The following OPHN1 variants were observed in gnomAD, a reference collection of about 807,000 sequenced individuals.
OPHN1 encodes oligophrenin-1.
In OPHN1, 11 loss-of-function variants were observed where a neutral mutation model predicts 60.7. The ratio of observed to expected loss-of-function variants is 0.18; its 90% CI spans 0.11 to 0.30. The LOEUF (loss-of-function observed/expected upper bound fraction) is 0.30, where lower values mean the gene tolerates loss of function less well. OPHN1 is among the 10% of genes least tolerant of loss of function. The pLI is 1.00. For synonymous variants in OPHN1, 226 were observed against 222.6 expected, an observed-to-expected ratio of 1.02 and a Z score of -0.14; for missense variants, 449 against 611.0, an observed-to-expected ratio of 0.73 and a Z score of 2.80.
rs1045136128 is a variant in OPHN1, at chrX:68,071,504, G to A, written c.1834+1648C>T. On this transcript the variant is annotated intron_variant, in intron 20 of 24. Transcript: ENST00000355520. ...TTCAAGAACAGAACATCCTTGCCCA[G>A]CAGAGATTTGAATTCTACAGCAAAT... is the stretch of plus-strand genomic sequence containing the variant. 4.4e-5 allele frequency: 31 copies of A among 712,545 alleles called. No homozygotes were observed. In the African/African-American group the frequency reaches 6.5e-4, roughly 15 times the overall value. The allele number at this position is 712,545 out of a possible 1,213,427, so 58.7% of individuals were successfully genotyped here. A position where few individuals can be genotyped will look rare whatever the true frequency, so the allele number is the denominator to read the frequency against.
At chrX:68,343,290 G>A (rs1392817422) in intron 2 of OPHN1, among the ~76,000 whole-genome samples, 1 of 105,235 alleles carries the variant, frequency 9.5e-6, no homozygotes, top group Non-Finnish European at 2.0e-5. Flanking sequence ...AAAAAAGCGG[G>A]GGGGGAGGGG....
intron 2 of OPHN1, among the ~76,000 whole-genome samples, chrX:68,395,429 C>G (rs2078678184): frequency 9.1e-6 from 1 of 109,793 alleles, no homozygotes; most frequent in Non-Finnish European, 1.9e-5. Context: ...ACACCATGCC[C>G]AGCTAATTTT....
chrX:68,381,693 C>A (rs2078597437), intron 2 of OPHN1, among the ~76,000 whole-genome samples: 1 of 111,590 alleles, frequency 9.0e-6, no homozygotes, highest in Admixed American at 9.6e-5. Flanking sequence ...CTTAACAGTA[C>A]CAACCATCTG....
At chrX:68,056,455 T>C (rs1224330835) in intron 21 of OPHN1, among the ~76,000 whole-genome samples, 1 of 111,829 alleles carries the variant, frequency 8.9e-6, no homozygotes, top group African/African-American at 3.3e-5. Context: ...TACAGTGTGA[T>C]TGGTGTTCTA....
chrX:68,423,419 C>T (rs2078840048), intron 2 of OPHN1, among the ~76,000 whole-genome samples: 1 of 110,384 alleles, frequency 9.1e-6, no homozygotes, highest in Non-Finnish European at 1.9e-5. Context: ...GCGCCTGTCA[C>T]CTGTTTCTCC....
chrX:68,431,167 C>A (rs2078883673), intron 2 of OPHN1, among the ~76,000 whole-genome samples: 1 of 112,118 alleles, frequency 8.9e-6, no homozygotes, highest in African/African-American at 3.2e-5. Context: ...GTAGCACAAC[C>A]TGCATATCCT....
chrX:68,369,156 C>T (rs377518924), intron 2 of OPHN1, among the ~76,000 whole-genome samples: 9 of 107,684 alleles, frequency 8.4e-5, no homozygotes, highest in African/African-American at 3.1e-4. Flanking sequence ...TGCAGTGAGC[C>T]GAGATCTCAC....
At chrX:68,299,921 TA>T (rs1370120922) in intron 2 of OPHN1, among the ~76,000 whole-genome samples, 1 of 110,231 alleles carries the variant, frequency 9.1e-6, no homozygotes, top group Non-Finnish European at 1.9e-5. Flanking sequence ...AGAGTGGTTC[TA>T]AGGCCAGCAG....
At position 68,045,291 on chromosome X, in the gene OPHN1, T is replaced by G. The variant is rs1463056036; in HGVS notation, c.*1881A>C. The G allele has an allele frequency of 1.8e-5, 2 of 112,066 alleles. No homozygotes were observed. The highest frequency in any genetic ancestry group is 1.9e-4 in the Admixed American group (2 of 10,604). 9.2% of individuals were successfully genotyped at this position (112,066 alleles called of 1,213,427 possible). ...GAATGGCATCAAGTTTCCACTCAAT[T>G]ACTTTCAAAAAGGCTCTCAGTGTAC... On this transcript the variant is annotated 3_prime_UTR_variant, in exon 25 of 25. Transcript: ENST00000355520.
intron 16 of OPHN1, among the ~76,000 whole-genome samples, 191 bp downstream of exon 16, chrX:68,119,057 G>C (rs956522563): frequency 9.0e-6 from 1 of 111,501 alleles, no homozygotes; most frequent in Non-Finnish European, 1.9e-5. Flanking sequence ...TTATTTTTAT[G>C]CTTCTCTTGC....
At position 68,063,883 on chromosome X, in the gene OPHN1, G is replaced by C; in HGVS notation, c.2129C>G (p.Ala710Gly). The part of the protein sequence containing the change: ...KTPSFHIKRP[A>G]PRPLAHHKEG... Reference sequence around the variant, plus strand: ...CTTGTGGTGGGCCAGGGGCCGGGGAGCTGGTCTCTTTATGTGGAAAGAGGG... The same window carrying C: ...CTTGTGGTGGGCCAGGGGCCGGGGACCTGGTCTCTTTATGTGGAAAGAGGG... The change falls in exon 21 of 25, where the codon GCT becomes GGT. Residue 710 changes from alanine to glycine, a missense_variant. Physicochemically the swap from Ala to Gly is moderately conservative, Grantham distance 60 (BLOSUM62 0). Around this residue, in one of 4 missense-constraint regions of OPHN1, gnomAD observed 184 missense variants for 160.5 expected, o/e 1.15. Coordinates refer to ENST00000355520, the MANE Select transcript of OPHN1 (RefSeq NM_002547.3). 3 of 1,177,578 alleles carry C rather than the reference G, an allele frequency of 2.5e-6. No individual in the cohort carries two copies. Among genetic ancestry groups the C allele is most frequent in the Non-Finnish European group, 3.4e-6 (3 of 876,878 alleles).
chrX:68,148,342 A>G (rs1481886864), intron 15 of OPHN1, among the ~76,000 whole-genome samples: 1 of 111,423 alleles, frequency 9.0e-6, no homozygotes, highest in Non-Finnish European at 1.9e-5. Context: ...AACACTGTAC[A>G]GAATGCTCTT....
intron 15 of OPHN1, among the ~76,000 whole-genome samples, chrX:68,170,569 T>C (rs914138656): frequency 3.6e-5 from 4 of 110,534 alleles, no homozygotes; most frequent in Non-Finnish European, 7.6e-5. Context: ...TAAGGAAATG[T>C]GGCACATATA....
At chrX:68,215,737 G>GA (rs754350637) in intron 6 of OPHN1, among the ~76,000 whole-genome samples, 1 of 111,242 alleles carries the variant, frequency 9.0e-6, no homozygotes, top group East Asian at 2.8e-4. Context: ...GGTGTTGAAA[G>GA]AAAAAAAGTT....
At chrX:68,250,865 T>G (rs5965530) in intron 5 of OPHN1, among the ~76,000 whole-genome samples, 7,323 of 111,170 alleles carry the variant, frequency 0.066, 582 homozygotes, top group African/African-American at 0.23. Flanking sequence ...CCACTGTGCT[T>G]CTTTCAGGAA....
intron 21 of OPHN1, among the ~76,000 whole-genome samples, chrX:68,056,352 A>T (rs190298236): frequency 2.4e-3 from 274 of 111,894 alleles, no homozygotes; most frequent in South Asian, 6.4e-3. Context: ...AATGTTCGTG[A>T]AGTTCTTATA....
chrX:68,301,071 A>T (rs1389036396), intron 2 of OPHN1, among the ~76,000 whole-genome samples: 1 of 111,321 alleles, frequency 9.0e-6, no homozygotes, highest in African/African-American at 3.3e-5. Flanking sequence ...GCTCCCAACT[A>T]CATAAAAGTA....
At chrX:68,417,525 G>C (rs192707330) in intron 2 of OPHN1, among the ~76,000 whole-genome samples, 2 of 112,554 alleles carry the variant, frequency 1.8e-5, no homozygotes, top group Admixed American at 1.9e-4. Flanking sequence ...AGACTTCAAA[G>C]TAAAAGATAC....
intron 2 of OPHN1, among the ~76,000 whole-genome samples, chrX:68,306,431 C>T (rs1266024052): frequency 2.7e-5 from 3 of 111,617 alleles, no homozygotes; most frequent in African/African-American, 9.8e-5. Flanking sequence ...TTATAACAAA[C>T]TTTATCGAAA....
Sources: gnomAD v4.1 joint callset for allele counts (sites outside exome capture counted in the v4.1 genomes callset) on GRCh38, gnomAD v4.1.1 for gene constraint, gnomAD v4.1.1 regional missense constraint, MANE v1.5 for transcripts, NCBI Gene and HGNC (gene_info 2026-07-23, HGNC 2026-07-21) for gene names.